The following HOXA3 variants were observed in gnomAD, a reference collection of about 807,000 sequenced individuals.
HOXA3 encodes the protein homeobox A3.
Under a neutral mutation model 30.3 loss-of-function variants are expected in HOXA3, and 8 were observed. The observed-to-expected ratio is 0.26, with a 90% confidence interval of 0.15 to 0.48. The LOEUF (loss-of-function observed/expected upper bound fraction) is 0.48, where lower values mean the gene tolerates loss of function less well. Among genes scored for constraint, HOXA3 ranks in the 20% least tolerant of loss-of-function variants. The pLI is 0.99. For missense variants in HOXA3, 653 were observed against 614.4 expected, an observed-to-expected ratio of 1.06 and a Z score of -0.66; for synonymous variants, 323 against 273.1, an observed-to-expected ratio of 1.18 and a Z score of -1.80.
At chr7:27,144,098 T>TG (rs1583408837) in intron 1 of HOXA3, among the ~76,000 whole-genome samples, 1 of 152,222 alleles carries the variant, frequency 6.6e-6, no homozygotes, top group Non-Finnish European at 1.5e-5. Context: ...TGCAGAGGAT[T>TG]GGGGGGAGGT....
intron 2 of HOXA3, chr7:27,130,083 C>T: frequency 6.4e-7 from 1 of 1,563,742 alleles, no homozygotes; most frequent in African/African-American, 1.4e-5. Flanking sequence ...CCAGCCCCGG[C>T]CCACCTCCCG....
chr7:27,132,356 A>T (rs1785587389), intron 2 of HOXA3, among the ~76,000 whole-genome samples: 1 of 152,248 alleles, frequency 6.6e-6, no homozygotes, highest in African/African-American at 2.4e-5. Context: ...ATCTTCATTC[A>T]TACTGGTTAC....
Position 27,110,593 on chromosome 7 carries a change from G to A in HOXA3, c.48C>T (p.Tyr16=), listed in dbSNP as rs1784316952. 6.2e-7 allele frequency: 1 copy of A among 1,607,362 alleles called. No homozygotes were observed. The highest frequency in any genetic ancestry group is 8.5e-7 in the Non-Finnish European group (1 of 1,175,262). Residue 16 remains tyrosine (Y), a synonymous_variant, in exon 5 of 6, where the codon TAC becomes TAT. Coordinates refer to ENST00000612286, the MANE Select transcript of HOXA3 (RefSeq NM_153631.3). ...YYDSSAIYGG[Y]PYQAANGFAY... ...CGAACCCGTTGGCTGCCTGGTAGGG[G>A]TAGCCACCGTAGATCGCCGAGCTGT... is the stretch of plus-strand genomic sequence containing the variant.
intron 2 of HOXA3, chr7:27,128,949 A>C: frequency 2.0e-6 from 1 of 512,516 alleles, no homozygotes; most frequent in Non-Finnish European, 3.5e-6. Context: ...ATTTGATACC[A>C]AGTAGTCCTT....
At chr7:27,141,816 A>G in intron 1 of HOXA3, 2 of 1,612,676 alleles carry the variant, frequency 1.2e-6, no homozygotes, top group Non-Finnish European at 1.7e-6. Flanking sequence ...ACTGCTCAGT[A>G]CTTTAAACGC....
chr7:27,149,262 T>G (rs1260588568), intron 1 of HOXA3, among the ~76,000 whole-genome samples: 1 of 152,230 alleles, frequency 6.6e-6, no homozygotes, highest in Non-Finnish European at 1.5e-5. Flanking sequence ...CCCCTTGAAT[T>G]AGCTTTAAAA....
chr7:27,141,747 G>A, intron 1 of HOXA3: 1 of 1,499,514 alleles, frequency 6.7e-7, no homozygotes, highest in Non-Finnish European at 9.0e-7. Context: ...TTCACAGAAG[G>A]AACACAAGGG....
At chr7:27,140,607 TG>T (rs1250005583) in intron 1 of HOXA3, 1 of 151,202 alleles carries the variant, frequency 6.6e-6, no homozygotes, top group Admixed American at 6.6e-5. Flanking sequence ...GGGTGAAGAG[TG>T]GGGAAGGGGT....
intron 2 of HOXA3, among the ~76,000 whole-genome samples, chr7:27,134,955 C>T (rs1785668654): frequency 6.6e-6 from 1 of 152,078 alleles, no homozygotes; most frequent in African/African-American, 2.4e-5. Flanking sequence ...TATACTGATC[C>T]CTTGAAGGTC....
chr7:27,143,606 A>C, intron 1 of HOXA3: 1 of 1,591,208 alleles, frequency 6.3e-7, no homozygotes, highest in Non-Finnish European at 8.6e-7. Context: ...ATAAGAGCTC[A>C]TTTGTTTTTT....
In HOXA3 at chr7:27,110,310, G is replaced by C. The variant is rs1255870498; in HGVS notation, c.331C>G (p.Pro111Ala). The change falls in exon 5 of 6, where the codon CCC becomes GCC. Residue 111 changes from proline (P) to alanine (A), a missense_variant. Pro to Ala is a conservative substitution (Grantham distance 27). Around this residue, in one of 3 missense-constraint regions of HOXA3, gnomAD observed 320 missense variants for 321.9 expected, o/e 0.99. Transcript: ENST00000612286. ...GGCGCGGCAGGGGTAGGTGCAGGGGGCTGAGGTGCGGGCTGAGGCGGCTGT... is the reference window on the plus strand; with the variant it reads ...GGCGCGGCAGGGGTAGGTGCAGGGGCCTGAGGTGCGGGCTGAGGCGGCTGT... Reference protein sequence around the residue: ...APQPPQPAPQPPAPTPAAPPP... With the variant: ...APQPPQPAPQAPAPTPAAPPP... 6.4e-7 allele frequency: 1 copy of C among 1,554,566 alleles called. No homozygotes were observed. Among genetic ancestry groups the C allele is most frequent in the Non-Finnish European group, 8.7e-7 (1 of 1,151,138 alleles).
At position 27,114,835 on chromosome 7, in the gene HOXA3, T is replaced by TAA. The variant is rs1491254135; in HGVS notation, c.-120-4076_-120-4075insTT. Among the ~76,000 whole-genome samples, 372 of 93,476 alleles carry TAA rather than the reference T, an allele frequency of 4.0e-3. 10 individuals are homozygous for TAA. The highest frequency in any genetic ancestry group is 0.014 in the African/African-American group (350 of 25,702). The allele number at this position is 93,476 out of a possible 152,430, so 61.3% of individuals were successfully genotyped here. ...AACATACATATATATATAATATATA[T>TAA]TATATATATAATATATATTATATAT... On this transcript the variant is annotated intron_variant, in intron 4 of 5. Coordinates refer to ENST00000612286, the MANE Select transcript of HOXA3 (RefSeq NM_153631.3).
chr7:27,129,916 G>A, intron 2 of HOXA3: 1 of 631,074 alleles, frequency 1.6e-6, no homozygotes, highest in South Asian at 1.9e-5. Context: ...CTGATAAAGG[G>A]ACCCTGGGTA....
chr7:27,116,842 C>T (rs1360336772), intron 4 of HOXA3, among the ~76,000 whole-genome samples: 6 of 152,312 alleles, frequency 3.9e-5, no homozygotes, highest in South Asian at 4.1e-4. Context: ...GAAAGGGCCT[C>T]AGTTAAACAC....
At chr7:27,147,141 C>A (rs368664620) in intron 1 of HOXA3, 6 of 698,744 alleles carry the variant, frequency 8.6e-6, no homozygotes, top group Non-Finnish European at 1.4e-5. Flanking sequence ...GCCTGATAGC[C>A]CCATTGGGAA....
intron 2 of HOXA3, chr7:27,129,188 AG>A (rs919099044): frequency 1.7e-6 from 2 of 1,177,390 alleles, no homozygotes; most frequent in African/African-American, 1.5e-5. Flanking sequence ...AGAGAAAAGC[AG>A]GTAAGGGATA....
intron 2 of HOXA3, chr7:27,130,500 G>T (rs1230986118): frequency 1.6e-6 from 2 of 1,285,866 alleles, no homozygotes; most frequent in Middle Eastern, 2.9e-4. Flanking sequence ...GCTCGCGGGC[G>T]GTCCGCGGCG....
intron 5 of HOXA3, among the ~76,000 whole-genome samples, chr7:27,109,274 TG>T (rs1180050277): frequency 6.6e-6 from 1 of 152,194 alleles, no homozygotes; most frequent in Non-Finnish European, 1.5e-5. Context: ...GTATTTCTGG[TG>T]GGGAGGCCTA....
chr7:27,145,575 G>A, intron 1 of HOXA3: 1 of 1,530,248 alleles, frequency 6.5e-7, no homozygotes, highest in Non-Finnish European at 8.8e-7. Context: ...GGAGCAGGCG[G>A]GGAGAAAAGT....
Sources: gnomAD v4.1 joint callset for allele counts (sites outside exome capture counted in the v4.1 genomes callset) on GRCh38, gnomAD v4.1.1 for gene constraint, gnomAD v4.1.1 regional missense constraint, MANE v1.5 for transcripts, NCBI Gene and HGNC (gene_info 2026-07-23, HGNC 2026-07-21) for gene names.